RIT2: variants seen among roughly 807,000 people sequenced by gnomAD.
The protein encoded by RIT2 is GTP-binding protein Rit2.
Under a neutral mutation model 23.7 loss-of-function variants are expected in RIT2, and 24 were observed. The ratio of observed to expected loss-of-function variants is 1.01; its 90% CI spans 0.73 to 1.43. The LOEUF (loss-of-function observed/expected upper bound fraction) is 1.43. RIT2 is among the 40% of genes most tolerant of loss of function. RIT2 has a pLI of 0.00. For synonymous variants in RIT2, 107 were observed against 91.1 expected, an observed-to-expected ratio of 1.17 and a Z score of -0.99; for missense variants, 236 against 266.9, an observed-to-expected ratio of 0.88 and a Z score of 0.81.
chr18:42,984,633 A>G (rs991503162), intron 2 of RIT2, among the ~76,000 whole-genome samples: 1 of 152,062 alleles, frequency 6.6e-6, no homozygotes, highest in African/African-American at 2.4e-5. Flanking sequence ...AGAAGAAACA[A>G]TCTGTATTAT....
intron 4 of RIT2, among the ~76,000 whole-genome samples, chr18:42,883,773 T>C (rs1907953079): frequency 6.6e-6 from 1 of 152,190 alleles, no homozygotes; most frequent in Admixed American, 6.5e-5. Flanking sequence ...ATGACTGATT[T>C]TTCTTTTTAA....
intron 4 of RIT2, among the ~76,000 whole-genome samples, chr18:42,893,661 G>A (rs887048783): frequency 7.2e-5 from 11 of 152,144 alleles, no homozygotes; most frequent in Non-Finnish European, 1.5e-4. Context: ...ATTAGGCCAT[G>A]AAACCTACAA....
intron 4 of RIT2, among the ~76,000 whole-genome samples, chr18:42,917,578 T>C (rs2144126196): frequency 6.6e-6 from 1 of 152,282 alleles, no homozygotes; most frequent in South Asian, 2.1e-4. Flanking sequence ...CGCTGCTTCA[T>C]GGTTGCTCCA....
intron 4 of RIT2, among the ~76,000 whole-genome samples, chr18:42,856,183 A>G (rs1005492982): frequency 2.0e-5 from 3 of 152,184 alleles, no homozygotes; most frequent in Admixed American, 1.3e-4. Context: ...TCACCTTTCT[A>G]TGTAAAAACT....
chr18:42,782,149 C>T (rs1598651537), intron 4 of RIT2, among the ~76,000 whole-genome samples: 1 of 152,072 alleles, frequency 6.6e-6, no homozygotes. Context: ...CCTTAAGAGT[C>T]TGGAAGACAG....
intron 1 of RIT2, among the ~76,000 whole-genome samples, chr18:43,070,209 C>A (rs1023922805): frequency 2.0e-4 from 31 of 152,040 alleles, no homozygotes; most frequent in African/African-American, 6.8e-4. Flanking sequence ...AAGCATATCA[C>A]CATATTGTCA....
chr18:42,898,568 G>A (rs569982860), intron 4 of RIT2, among the ~76,000 whole-genome samples: 1 of 152,030 alleles, frequency 6.6e-6, no homozygotes, highest in Non-Finnish European at 1.5e-5. Context: ...TGAGTGACAA[G>A]CACTAAAATA....
chr18:42,783,734 C>T (rs1913863484), intron 4 of RIT2, among the ~76,000 whole-genome samples: 1 of 151,976 alleles, frequency 6.6e-6, no homozygotes, highest in South Asian at 2.1e-4. Flanking sequence ...CCCTGAGTTT[C>T]TCAATCAGGT....
chr18:43,047,904 C>A (rs1357312352), intron 1 of RIT2, among the ~76,000 whole-genome samples: 1 of 152,014 alleles, frequency 6.6e-6, no homozygotes, highest in Admixed American at 6.6e-5. Context: ...TGTTTAAACC[C>A]ATCATGGAGT....
At chr18:42,791,998 G>T (rs1914054173) in intron 4 of RIT2, among the ~76,000 whole-genome samples, 1 of 152,158 alleles carries the variant, frequency 6.6e-6, no homozygotes, top group Non-Finnish European at 1.5e-5. Context: ...TTTTTTACTG[G>T]CCATGAACTT....
At chr18:43,017,542 G>A (rs1315999966) in intron 2 of RIT2, among the ~76,000 whole-genome samples, 2 of 151,848 alleles carry the variant, frequency 1.3e-5, no homozygotes, top group African/African-American at 4.8e-5. Flanking sequence ...TATTTCATTG[G>A]TTATAGTACT....
chr18:42,939,667 GT>G (rs144082533), intron 3 of RIT2, among the ~76,000 whole-genome samples: 3 of 151,420 alleles, frequency 2.0e-5, no homozygotes, highest in East Asian at 2.0e-4. Flanking sequence ...TGCCTATAAA[GT>G]TTTTTTGCAA....
intron 1 of RIT2, among the ~76,000 whole-genome samples, chr18:43,063,040 T>C (rs556617104): frequency 4.6e-5 from 7 of 152,222 alleles, no homozygotes; most frequent in Admixed American, 4.6e-4. Context: ...TATATTTTCC[T>C]TGAGGGTTAT....
intron 1 of RIT2, among the ~76,000 whole-genome samples, chr18:43,057,477 A>C (rs1031115208): frequency 3.3e-5 from 5 of 152,168 alleles, no homozygotes; most frequent in African/African-American, 1.2e-4. Flanking sequence ...ACAAGCTTCT[A>C]TTAAAGTTAG....
intron 4 of RIT2, among the ~76,000 whole-genome samples, chr18:42,921,927 T>A (rs928609304): frequency 6.6e-6 from 1 of 152,266 alleles, no homozygotes; most frequent in South Asian, 2.1e-4. Context: ...TTCTGCCAAG[T>A]TATCTAAAAT....
chr18:43,051,463 T>G (rs772853489), intron 1 of RIT2, among the ~76,000 whole-genome samples: 2 of 152,190 alleles, frequency 1.3e-5, no homozygotes, highest in East Asian at 3.9e-4. Flanking sequence ...ATAGGAATAG[T>G]AACAGGTTGA....
intron 4 of RIT2, among the ~76,000 whole-genome samples, chr18:42,878,302 T>G (rs1907797404): frequency 6.6e-6 from 1 of 151,526 alleles, no homozygotes; most frequent in East Asian, 1.9e-4. Flanking sequence ...TATAATATAT[T>G]GTATTCTTAT....
chr18:42,847,229 G>A (rs530657802), intron 4 of RIT2, among the ~76,000 whole-genome samples: 1 of 152,140 alleles, frequency 6.6e-6, no homozygotes, highest in African/African-American at 2.4e-5. Flanking sequence ...GTATAAAAAG[G>A]TGTTGCCTTA....
At chr18:43,071,372 T>A (rs1199417405) in intron 1 of RIT2, among the ~76,000 whole-genome samples, 2 of 152,056 alleles carry the variant, frequency 1.3e-5, no homozygotes, top group South Asian at 4.2e-4. Flanking sequence ...GGCGATGGAG[T>A]TGGGGTGGCG....
Sources: allele counts gnomAD v4.1 joint callset (sites outside exome capture counted in the v4.1 genomes callset), GRCh38; gene constraint gnomAD v4.1.1; transcripts MANE v1.5; gene names NCBI Gene and HGNC (gene_info 2026-07-23, HGNC 2026-07-21).